ADGRL1: variants seen among roughly 807,000 people sequenced by gnomAD.
ADGRL1 encodes the protein adhesion G protein-coupled receptor L1.
A neutral mutation model predicts 148.9 loss-of-function variants in ADGRL1; 31 were observed. The ratio of observed to expected loss-of-function variants is 0.21; its 90% CI spans 0.16 to 0.28. ADGRL1 has a LOEUF of 0.28. Among genes scored for constraint, ADGRL1 ranks in the 10% least tolerant of loss-of-function variants. The pLI, the probability that ADGRL1 is intolerant of heterozygous loss-of-function variation, is 1.00. For missense variants in ADGRL1, 1,521 were observed against 2,058.8 expected (o/e 0.74, Z 5.05); for synonymous variants, 937 against 900.3 (o/e 1.04, Z -0.73).
At chr19:14,179,442 T>C (rs973630732) in intron 2 of ADGRL1, among the ~76,000 whole-genome samples, 12 of 150,514 alleles carry the variant, frequency 8.0e-5, no homozygotes, top group African/African-American at 2.4e-4. Context: ...TGCAGTGAGC[T>C]GAGATTGCAC....
At chr19:14,163,642 A>G (rs1969670148) in intron 4 of ADGRL1, among the ~76,000 whole-genome samples, 1 of 151,876 alleles carries the variant, frequency 6.6e-6, no homozygotes, top group Non-Finnish European at 1.5e-5. Context: ...CGCCCTGCCC[A>G]GCTGCCCCTC....
chr19:14,173,676 G>C (rs1970625994), intron 3 of ADGRL1, among the ~76,000 whole-genome samples: 1 of 152,192 alleles, frequency 6.6e-6, no homozygotes, highest in Non-Finnish European at 1.5e-5. Context: ...GCTGGGCGCA[G>C]TGGCTCATGG....
intron 2 of ADGRL1, among the ~76,000 whole-genome samples, chr19:14,181,888 G>T (rs1971222971): frequency 6.6e-6 from 1 of 152,188 alleles, no homozygotes; most frequent in South Asian, 2.1e-4. Context: ...CCTGCACACG[G>T]AGGGTGCCTG....
rs554367271 is a variant in ADGRL1, at chr19:14,200,438, C to T, written c.-96+5547G>A. Among the ~76,000 whole-genome samples the T allele has an allele frequency of 2.0e-5, 3 of 152,310 alleles. No individual in the cohort carries two copies. In the East Asian group the frequency reaches 5.8e-4, roughly 29 times the overall value. ...CAGGGTCGGCCAACCATGGTCAGGCCCCCGCCTGCCTTTGTACAGCTGGTG... is the reference window on the plus strand; with the variant it reads ...CAGGGTCGGCCAACCATGGTCAGGCTCCCGCCTGCCTTTGTACAGCTGGTG... On this transcript the variant is annotated intron_variant, in intron 1 of 22. Transcript: ENST00000361434.
At position 14,157,801 on chromosome 19, in the gene ADGRL1, C is replaced by T. The variant is rs1373599227; in HGVS notation, c.2535+81G>A. ...ATGGGGCTAGCCTCCCCTGGTACTG[C>T]CCGTGATCTCTCTAGGATGCCATGC... On this transcript the variant is annotated intron_variant, in intron 13 of 22. Transcript: ENST00000361434. The surrounding 1 kb of genome is among the most constrained non-coding windows in gnomAD (Gnocchi z 7.5). 5.3e-6 allele frequency: 8 copies of T among 1,518,520 alleles called. No individual in the cohort carries two copies. In the East Asian group the frequency reaches 1.9e-4, roughly 36 times the overall value. 94.1% of individuals were successfully genotyped at this position (1,518,520 alleles called of 1,614,324 possible). A position where few individuals can be genotyped will look rare whatever the true frequency, so the allele number is the denominator to read the frequency against.
intron 1 of ADGRL1, among the ~76,000 whole-genome samples, chr19:14,195,545 G>A (rs181793231): frequency 3.9e-5 from 6 of 152,044 alleles, no homozygotes; most frequent in African/African-American, 1.4e-4. Flanking sequence ...GGCAGCAGCC[G>A]GCCCCTCCAC....
Position 14,160,308 on chromosome 19 carries a change from T to C in ADGRL1, c.1615-11A>G, listed in dbSNP as rs1201635597. ...CTCCCCACTCTTGATCTGCATGAGG[T>C]GGGGGCGGGAAGGGGGAATCCCAGG... On this transcript the variant is annotated splice_polypyrimidine_tract_variant and intron_variant, in intron 7 of 22. Transcript: ENST00000361434. The surrounding 1 kb of genome is among the most constrained non-coding windows in gnomAD (Gnocchi z 5.9). The C allele has an allele frequency of 1.3e-6, 2 of 1,582,332 alleles. No individual in the cohort carries two copies. Among genetic ancestry groups the C allele is most frequent in the Non-Finnish European group, 1.7e-6 (2 of 1,156,136 alleles).
At chr19:14,158,588 C>T in intron 11 of ADGRL1, 36 bp from the exon 12 acceptor site, 1 of 1,549,306 alleles carries the variant, frequency 6.5e-7, no homozygotes, top group Non-Finnish European at 8.9e-7. Context: ...GTGTCAGCAT[C>T]CTCAGCTGGC....
Position 14,158,012 on chromosome 19 carries a change from T to C in ADGRL1, c.2405A>G (p.Tyr802Cys). The C allele has an allele frequency of 6.2e-7, 1 of 1,614,088 alleles. No individual in the cohort carries two copies. The highest frequency in any genetic ancestry group is 8.5e-7 in the Non-Finnish European group (1 of 1,180,008). Residue 802 changes from tyrosine (Y) to cysteine (C), a missense_variant, in exon 13 of 23, where the codon TAC becomes TGC. This residue lies in a region of ADGRL1 where 265 missense variants were observed against 431.9 expected (regional missense o/e 0.61). Transcript: ENST00000361434. ...HFNANCSFWNYSERSMLGYWS... is the reference protein window; with the variant it reads ...HFNANCSFWNCSERSMLGYWS... The stretch of plus-strand genomic sequence containing the variant: ...GTAGCCCAGCATGGAACGCTCCGAG[T>C]AGTTCCAGAAGGAGCAGTTAGCATT...
chr19:14,205,379 G>A (rs1972920877), intron 1 of ADGRL1, among the ~76,000 whole-genome samples: 1 of 151,922 alleles, frequency 6.6e-6, no homozygotes, highest in South Asian at 2.1e-4. Context: ...CCTGACAGCG[G>A]CGCCCCCCGG....
chr19:14,160,324 G>A lies in ADGRL1; in HGVS notation c.1615-27C>T. 1 of 1,570,624 alleles carries A rather than the reference G, an allele frequency of 6.4e-7. No homozygotes were observed. The highest frequency in any genetic ancestry group is 2.3e-5 in the East Asian group (1 of 43,982). On this transcript the variant is annotated intron_variant, in intron 7 of 22. Transcript: ENST00000361434. The surrounding 1 kb of genome is among the most constrained non-coding windows in gnomAD (Gnocchi z 5.9). Reference sequence around the variant, plus strand: ...TGCATGAGGTGGGGGCGGGAAGGGGGAATCCCAGGACTGTCAGGGACCATC... The same window carrying A: ...TGCATGAGGTGGGGGCGGGAAGGGGAAATCCCAGGACTGTCAGGGACCATC...
At chr19:14,181,201 T>TA (rs1971167237) in intron 2 of ADGRL1, among the ~76,000 whole-genome samples, 1 of 152,264 alleles carries the variant, frequency 6.6e-6, no homozygotes, top group African/African-American at 2.4e-5. Context: ...GGGACTTCCC[T>TA]AACTTCACCC....
intron 1 of ADGRL1, among the ~76,000 whole-genome samples, chr19:14,201,757 C>T (rs578237039): frequency 6.6e-6 from 1 of 152,256 alleles, no homozygotes; most frequent in African/African-American, 2.4e-5. Context: ...CCAGTGATGA[C>T]TGTTGACACC....
chr19:14,202,763 A>G (rs1389167916), intron 1 of ADGRL1, among the ~76,000 whole-genome samples: 2 of 152,074 alleles, frequency 1.3e-5, no homozygotes, highest in African/African-American at 4.8e-5. Flanking sequence ...AGACAGCCCC[A>G]TGTGTGCACA....
intron 1 of ADGRL1, among the ~76,000 whole-genome samples, chr19:14,191,958 A>G (rs1971971619): frequency 6.6e-6 from 1 of 151,952 alleles, no homozygotes. Flanking sequence ...TTGGCCTCCC[A>G]AAGTGCTGGG....
chr19:14,200,925 T>C (rs983274525), intron 1 of ADGRL1, among the ~76,000 whole-genome samples: 30 of 152,308 alleles, frequency 2.0e-4, no homozygotes, highest in African/African-American at 7.0e-4. Flanking sequence ...ACTGGCAACC[T>C]CTACTCTACA....
chr19:14,203,285 G>A (rs2145194046), intron 1 of ADGRL1, among the ~76,000 whole-genome samples: 1 of 152,290 alleles, frequency 6.6e-6, no homozygotes. Flanking sequence ...CGAGAGCCTT[G>A]TGTGTCCTTG....
At chr19:14,182,922 C>T (rs1254928649) in intron 2 of ADGRL1, among the ~76,000 whole-genome samples, 1 of 152,152 alleles carries the variant, frequency 6.6e-6, no homozygotes, top group Non-Finnish European at 1.5e-5. Context: ...GGGCAGGGGG[C>T]ACATCCCAGA....
At chr19:14,170,651 C>T in intron 4 of ADGRL1, 31 bp downstream of exon 4, 1 of 1,352,044 alleles carries the variant, frequency 7.4e-7, no homozygotes, top group Non-Finnish European at 1.1e-6. Flanking sequence ...CGAGAAGGGC[C>T]CGCATCCGCA....
Sources: gnomAD v4.1 joint callset for allele counts (sites outside exome capture counted in the v4.1 genomes callset) on GRCh38, gnomAD v4.1.1 for gene constraint, gnomAD v4.1.1 regional missense constraint, Gnocchi (gnomAD v3.1) non-coding constraint, MANE v1.5 for transcripts, NCBI Gene and HGNC (gene_info 2026-07-23, HGNC 2026-07-21) for gene names.